Variants in AHR observed in about 807,000 individuals in gnomAD.
AHR encodes the protein aryl hydrocarbon receptor, also known as AH-receptor.
A neutral mutation model predicts 86.8 loss-of-function variants in AHR; 40 were observed. The observed-to-expected ratio is 0.46, with a 90% CI of 0.36 to 0.60. AHR has a LOEUF of 0.60. AHR is among the 20% of genes least tolerant of loss of function. AHR has a pLI of 0.00. For synonymous variants in AHR, 398 were observed against 354.9 expected, an observed-to-expected ratio of 1.12 and a Z score of -1.37; for missense variants, 1,001 against 1,011.6, an observed-to-expected ratio of 0.99 and a Z score of 0.14.
chr7:17,318,554 C>A (rs567962492), intron 2 of AHR, among the ~76,000 whole-genome samples: 3 of 152,066 alleles, frequency 2.0e-5, no homozygotes, highest in Admixed American at 6.6e-5. Flanking sequence ...GTCTGATTCT[C>A]ACACTTTGGA....
At chr7:17,333,544 G>A (rs1274916586) in intron 6 of AHR, among the ~76,000 whole-genome samples, 1 of 151,930 alleles carries the variant, frequency 6.6e-6, no homozygotes, top group Non-Finnish European at 1.5e-5. Flanking sequence ...GCTTGAAAAT[G>A]AATGTTTACT....
In AHR at chr7:17,343,009, A is replaced by C; in HGVS notation, c.2492A>C (p.His831Pro). The C allele has an allele frequency of 6.2e-7, 1 of 1,613,970 alleles. No individual in the cohort carries two copies. Residue 831 changes from histidine to proline, a missense_variant, in exon 11 of 11, where the codon CAT (histidine) becomes CCT (proline). Coordinates refer to ENST00000242057, the MANE Select transcript of AHR (RefSeq NM_001621.5). The stretch of plus-strand genomic sequence containing the variant: ...ACTACCACACATCTTCAGCCACTTC[A>C]TCATCCGTCAGAAGCCAGACCTTTT... ...TQTTTHLQPL[H>P]HPSEARPFPD...
At position 17,344,533 on chromosome 7, in the gene AHR, A is replaced by G. The variant is rs1377250468; in HGVS notation, c.*1469A>G. Reference sequence around the variant, plus strand: ...CTTCAAACTTTAGGTTTTTTTAATGATATACTGATCTTCATTACCAATAGG... The same window carrying G: ...CTTCAAACTTTAGGTTTTTTTAATGGTATACTGATCTTCATTACCAATAGG... On this transcript the variant is annotated 3_prime_UTR_variant, in exon 11 of 11. Coordinates refer to ENST00000242057, the MANE Select transcript of AHR (RefSeq NM_001621.5). The G allele has an allele frequency of 6.6e-6, 1 of 152,300 alleles. No homozygotes were observed. The highest frequency in any genetic ancestry group is 1.5e-5 in the Non-Finnish European group (1 of 67,912). The allele number at this position is 152,300 out of a possible 1,614,324, so 9.4% of individuals were successfully genotyped here.
At chr7:17,314,663 G>A (rs1429161381) in intron 2 of AHR, among the ~76,000 whole-genome samples, 5 of 152,014 alleles carry the variant, frequency 3.3e-5, no homozygotes, top group African/African-American at 9.7e-5. Flanking sequence ...ATACGTACAT[G>A]TGTATATGCA....
At chr7:17,333,022 A>C (rs1782317001) in intron 6 of AHR, among the ~76,000 whole-genome samples, 1 of 151,978 alleles carries the variant, frequency 6.6e-6, no homozygotes, top group African/African-American at 2.4e-5. Flanking sequence ...ATCATGTTAC[A>C]ATTGCTTTAA....
At position 17,339,445 on chromosome 7, in the gene AHR, C is replaced by T; in HGVS notation, c.1620C>T (p.Tyr540=). The change falls in exon 10 of 11, where the codon TAC becomes TAT. Residue 540 remains tyrosine, a synonymous_variant. Coordinates refer to ENST00000242057, the MANE Select transcript of AHR (RefSeq NM_001621.5). ...LFQDSKNSDL[Y]SIMKNLGIDF... is the part of the protein sequence containing the mutation. ...AAGATAGTAAAAACAGTGACTTGTACAGCATAATGAAAAACCTAGGCATTG... is the reference window on the plus strand; with the variant it reads ...AAGATAGTAAAAACAGTGACTTGTATAGCATAATGAAAAACCTAGGCATTG... The T allele has an allele frequency of 6.2e-7, 1 of 1,614,106 alleles. No individual in the cohort carries two copies.
Position 17,340,019 on chromosome 7 carries a change from ACTTCT to A in AHR, c.2195_2199del (p.Thr732LysfsTer13). 5 of 1,614,136 alleles carry A rather than the reference ACTTCT, an allele frequency of 3.1e-6. No homozygotes were observed. Among genetic ancestry groups the A allele is most frequent in the Non-Finnish European group, 4.2e-6 (5 of 1,180,014 alleles). ...TTTTGAACCATCCCCATACCCCACT[ACTTCT>A]AGTTTAGAAGATTTTGTCACTTGTT... On this transcript the variant is annotated frameshift_variant, in exon 10 of 11. Coordinates refer to ENST00000242057, the MANE Select transcript of AHR (RefSeq NM_001621.5).
chr7:17,334,727 T>TA (rs1393908153), intron 7 of AHR, among the ~76,000 whole-genome samples, 160 bp from the exon 8 acceptor site: 1 of 152,078 alleles, frequency 6.6e-6, no homozygotes, highest in Non-Finnish European at 1.5e-5. Context: ...AAGATCAGTT[T>TA]ACATGGATGT....
At chr7:17,334,226 C>G (rs1251867619) in intron 7 of AHR, 112 bp downstream of exon 7, 1 of 911,294 alleles carries the variant, frequency 1.1e-6, no homozygotes, top group African/African-American at 1.7e-5. Context: ...ATTAGATTGG[C>G]TATTATCGTA....
At chr7:17,303,978 G>T (rs1017799650) in intron 1 of AHR, among the ~76,000 whole-genome samples, 3 of 152,092 alleles carry the variant, frequency 2.0e-5, no homozygotes, top group Admixed American at 2.0e-4. Flanking sequence ...TTGGGATCAT[G>T]GTTATGTATA....
At chr7:17,328,167 A>T (rs1455608914) in intron 4 of AHR, among the ~76,000 whole-genome samples, 1 of 151,972 alleles carries the variant, frequency 6.6e-6, no homozygotes, top group African/African-American at 2.4e-5. Flanking sequence ...ATAGCAGAGG[A>T]TATATGACAA....
intron 6 of AHR, among the ~76,000 whole-genome samples, chr7:17,332,267 A>G (rs1782304724): frequency 6.6e-6 from 1 of 152,112 alleles, no homozygotes; most frequent in African/African-American, 2.4e-5. Flanking sequence ...TTTACTATTA[A>G]TCATTATTTT....
rs1273916396 is a variant in AHR, at chr7:17,343,188, C to T, written c.*124C>T. On this transcript the variant is annotated 3_prime_UTR_variant, in exon 11 of 11. Coordinates refer to ENST00000242057, the MANE Select transcript of AHR (RefSeq NM_001621.5). ...TGGAGGCATTGATGCATGCTATTCACAATTATTCCAAACCAAATTTTAATT... is the reference window on the plus strand; with the variant it reads ...TGGAGGCATTGATGCATGCTATTCATAATTATTCCAAACCAAATTTTAATT... 2.0e-5 allele frequency: 23 copies of T among 1,167,358 alleles called. No individual in the cohort carries two copies. Among genetic ancestry groups the T allele is most frequent in the Non-Finnish European group, 2.6e-5 (21 of 804,484 alleles). 72.3% of individuals were successfully genotyped at this position (1,167,358 alleles called of 1,614,324 possible).
At chr7:17,307,006 A>G (rs2115351459) in intron 1 of AHR, among the ~76,000 whole-genome samples, 1 of 152,276 alleles carries the variant, frequency 6.6e-6, no homozygotes, top group East Asian at 1.9e-4. Context: ...TTACTTGACA[A>G]TGGAAATTTG....
chr7:17,310,614 A>G (rs1782053879), intron 2 of AHR, among the ~76,000 whole-genome samples: 1 of 150,476 alleles, frequency 6.6e-6, no homozygotes, highest in Non-Finnish European at 1.5e-5. Context: ...GGCTCACTGC[A>G]ACCTCTGACT....
intron 1 of AHR, 100 bp downstream of exon 1, chr7:17,299,429 G>A: frequency 7.3e-7 from 1 of 1,373,154 alleles, no homozygotes; most frequent in Non-Finnish European, 1.0e-6. Flanking sequence ...GCGATCCTGG[G>A]ATTAGGTCCA....
At chr7:17,300,012 T>G (rs1781938690) in intron 1 of AHR, among the ~76,000 whole-genome samples, 1 of 152,250 alleles carries the variant, frequency 6.6e-6, no homozygotes, top group African/African-American at 2.4e-5. Flanking sequence ...AGCTTGCTTA[T>G]CACTTTTGGG....
intron 2 of AHR, among the ~76,000 whole-genome samples, chr7:17,312,107 A>C (rs186179724): frequency 6.6e-4 from 101 of 152,302 alleles, no homozygotes; most frequent in African/African-American, 2.3e-3. Flanking sequence ...TGTAGATTGT[A>C]ACTTCAGGCC....
intron 3 of AHR, among the ~76,000 whole-genome samples, chr7:17,327,257 T>C (rs746317443): frequency 6.6e-5 from 10 of 151,956 alleles, no homozygotes; most frequent in Non-Finnish European, 1.0e-4. Context: ...TACATGTATA[T>C]TTTATATATA....
Sources: allele counts gnomAD v4.1 joint callset (sites outside exome capture counted in the v4.1 genomes callset), GRCh38; gene constraint gnomAD v4.1.1; transcripts MANE v1.5; gene names NCBI Gene and HGNC (gene_info 2026-07-23, HGNC 2026-07-21).